Variants in SYT14 observed in about 807,000 individuals in gnomAD.
SYT14 encodes the protein synaptotagmin-14.
In SYT14, 32 loss-of-function variants were observed where a neutral mutation model predicts 74.2. That is an observed-to-expected ratio of 0.43 (90% CI 0.33 to 0.58). The LOEUF is 0.58. Ranked by LOEUF, SYT14 falls within the 20% of genes least tolerant of loss-of-function variation. SYT14 has a pLI of 0.05. For missense variants in SYT14, 791 were observed against 981.8 expected (o/e 0.81, Z 2.60); for synonymous variants, 298 against 337.7 (o/e 0.88, Z 1.29).
chr1:210,150,407 G>A (rs1380505063), intron 7 of SYT14, among the ~76,000 whole-genome samples: 1 of 152,192 alleles, frequency 6.6e-6, no homozygotes, highest in Non-Finnish European at 1.5e-5. Context: ...TAGACTTACA[G>A]TGTGGAGGAT....
chr1:210,053,150 A>G (rs886240719), intron 5 of SYT14, among the ~76,000 whole-genome samples: 5 of 152,240 alleles, frequency 3.3e-5, no homozygotes, highest in African/African-American at 4.8e-5. Flanking sequence ...ATGTTCATGC[A>G]TAGAAGGTAG....
chr1:209,978,377 G>A lies in SYT14; in HGVS notation c.-486+25621G>A, dbSNP rs568348768. On this transcript the variant is annotated intron_variant, in intron 2 of 9. Coordinates refer to ENST00000637265, the Ensembl canonical transcript of SYT14. ...TTTGATGATGGTGACGTACAGATGGGATTTTGGTGTGGATGTCCTTTCTGT... is the reference window on the plus strand; with the variant it reads ...TTTGATGATGGTGACGTACAGATGGAATTTTGGTGTGGATGTCCTTTCTGT... Among the ~76,000 whole-genome samples, 5 of 152,234 alleles carry A rather than the reference G, an allele frequency of 3.3e-5. No homozygotes were observed. In the South Asian group the frequency reaches 6.2e-4, roughly 19 times the overall value.
intron 2 of SYT14, among the ~76,000 whole-genome samples, chr1:209,958,032 C>T (rs893433941): frequency 1.2e-4 from 18 of 152,004 alleles, no homozygotes; most frequent in African/African-American, 4.1e-4. Flanking sequence ...AATTCCGTTA[C>T]TTTAAGAGAT....
chr1:210,077,661 A>G (rs2081529988), intron 5 of SYT14, among the ~76,000 whole-genome samples: 2 of 152,184 alleles, frequency 1.3e-5, no homozygotes. Flanking sequence ...TACAATTTTG[A>G]TAACTGTTTT....
intron 2 of SYT14, among the ~76,000 whole-genome samples, chr1:209,969,909 T>C (rs12405601): frequency 0.05 from 7,610 of 152,274 alleles, 1,029 homozygotes; most frequent in East Asian, 0.41. Flanking sequence ...TTAATGGGGT[T>C]GTTTTCTGTT....
At chr1:209,942,918 A>G (rs1247057201) in intron 1 of SYT14, among the ~76,000 whole-genome samples, 3 of 150,838 alleles carry the variant, frequency 2.0e-5, no homozygotes, top group African/African-American at 5.0e-5. Flanking sequence ...GTGTTTGTAT[A>G]TGTGTGTGTG....
chr1:210,135,877 C>T (rs1285863043), intron 7 of SYT14, among the ~76,000 whole-genome samples: 1 of 152,178 alleles, frequency 6.6e-6, no homozygotes, highest in Non-Finnish European at 1.5e-5. Context: ...CTCAGTGCCC[C>T]ATATATTATG....
intron 2 of SYT14, among the ~76,000 whole-genome samples, chr1:209,956,970 C>T (rs114563420): frequency 2.3e-3 from 344 of 152,092 alleles, no homozygotes; most frequent in African/African-American, 7.6e-3. Context: ...CTTCACCACC[C>T]GATTGCTGAA....
chr1:209,999,797 A>G (rs556135693), intron 2 of SYT14, among the ~76,000 whole-genome samples: 1 of 152,298 alleles, frequency 6.6e-6, no homozygotes, highest in South Asian at 2.1e-4. Context: ...GTTAATGCAT[A>G]TGAACATAGT....
intron 7 of SYT14, among the ~76,000 whole-genome samples, chr1:210,102,867 C>T (rs1048150240): frequency 6.6e-6 from 1 of 151,502 alleles, no homozygotes. Context: ...TTTTAGAAAT[C>T]GAGTCTTGCT....
At chr1:209,949,237 T>G (rs2078871294) in intron 1 of SYT14, among the ~76,000 whole-genome samples, 1 of 152,160 alleles carries the variant, frequency 6.6e-6, no homozygotes, top group South Asian at 2.1e-4. Context: ...GAATGCATGT[T>G]TTTTTCCTTA....
chr1:210,163,469 C>T, exon 10 of SYT14: 1 of 453,684 alleles, frequency 2.2e-6, no homozygotes, highest in South Asian at 1.6e-5. Flanking sequence ...TACACACATG[C>T]ACCATTACAC....
chr1:210,048,847 C>G (rs542537894), intron 5 of SYT14, among the ~76,000 whole-genome samples: 1 of 152,306 alleles, frequency 6.6e-6, no homozygotes, highest in Admixed American at 6.5e-5. Context: ...TAGTTACTTC[C>G]TAGATACAAT....
At chr1:209,947,594 G>A (rs565599609) in intron 1 of SYT14, among the ~76,000 whole-genome samples, 1 of 152,214 alleles carries the variant, frequency 6.6e-6, no homozygotes, top group Non-Finnish European at 1.5e-5. Context: ...TTATATGGAT[G>A]AACAAAGTGG....
At chr1:210,117,295 T>C (rs2082380223) in intron 7 of SYT14, among the ~76,000 whole-genome samples, 1 of 152,128 alleles carries the variant, frequency 6.6e-6, no homozygotes, top group Admixed American at 6.5e-5. Flanking sequence ...ACTCTATAAT[T>C]CAGATGTGTG....
chr1:210,146,246 G>A (rs950229845), intron 7 of SYT14, among the ~76,000 whole-genome samples: 3 of 152,174 alleles, frequency 2.0e-5, no homozygotes, highest in African/African-American at 7.2e-5. Flanking sequence ...GCTGAGGCAT[G>A]AGAATCACTT....
At chr1:210,028,054 TAA>T (rs2080452133) in intron 5 of SYT14, among the ~76,000 whole-genome samples, 1 of 152,096 alleles carries the variant, frequency 6.6e-6, no homozygotes, top group African/African-American at 2.4e-5. Flanking sequence ...CATTAAAAAA[TAA>T]GTCTTTATTC....
At chr1:210,079,388 TA>T (rs1558174899) in intron 5 of SYT14, among the ~76,000 whole-genome samples, 2 of 151,846 alleles carry the variant, frequency 1.3e-5, no homozygotes, top group East Asian at 3.9e-4. Context: ...CACTAAGTCT[TA>T]AAAAAAATTC....
intron 1 of SYT14, among the ~76,000 whole-genome samples, chr1:209,943,903 C>T (rs1014245415): frequency 6.6e-5 from 10 of 152,028 alleles, no homozygotes; most frequent in African/African-American, 2.4e-4. Context: ...TAAATTGGAA[C>T]CTATCAAATT....
Sources: gnomAD v4.1 joint callset for allele counts (sites outside exome capture counted in the v4.1 genomes callset) on GRCh38, gnomAD v4.1.1 for gene constraint, MANE v1.5 for transcripts, NCBI Gene and HGNC (gene_info 2026-07-23, HGNC 2026-07-21) for gene names.